Variants in BRCA1 observed in about 807,000 individuals in gnomAD.
BRCA1 encodes BRCA1 DNA repair associated, also known as breast cancer type 1 susceptibility protein.
In BRCA1, 140 loss-of-function variants were observed where a neutral mutation model predicts 173.7. The observed-to-expected ratio is 0.81, with a 90% CI of 0.70 to 0.93. The LOEUF is 0.93. Ranked by LOEUF, BRCA1 falls within the 40% of genes least tolerant of loss-of-function variation. The pLI is 0.00. For synonymous variants in BRCA1, 662 were observed against 756.0 expected (o/e 0.88, Z 2.04); for missense variants, 1,983 against 2,172.5 (o/e 0.91, Z 1.73).
At chr17:43,127,866 GAC>G (rs112881775), upstream of BRCA1, among the ~76,000 whole-genome samples, 15,953 of 151,448 alleles carry the variant, frequency 0.11, 2,600 homozygotes, top group African/African-American at 0.35. Flanking sequence ...CTACTAAAAA[GAC>G]AAAATATTAG....
rs1022076404 is a variant in BRCA1, at chr17:43,051,106, C to T, written c.5289G>A (p.Gly1763=). The T allele has an allele frequency of 3.1e-6, 5 of 1,613,914 alleles. No individual in the cohort carries two copies. Among genetic ancestry groups the T allele is most frequent in the African/African-American group, 1.3e-5 (1 of 74,986 alleles). Residue 1763 remains glycine, a synonymous_variant, in exon 20 of 23, where the codon GGG becomes GGA. Transcript: ENST00000357654. ...RESQDRKIFR[G]LEICCYGPFT... is the part of the protein sequence containing the mutation. ...AGGGCCCATAGCAACAGATTTCTAGCCCCCTGAAGATCTGGAAGAAGAGAG... is the reference window on the plus strand; with the variant it reads ...AGGGCCCATAGCAACAGATTTCTAGTCCCCTGAAGATCTGGAAGAAGAGAG...
intron 3 of BRCA1, among the ~76,000 whole-genome samples, chr17:43,107,127 C>A (rs1235386545): frequency 6.1e-5 from 9 of 147,832 alleles, no homozygotes; most frequent in Non-Finnish European, 1.0e-4. Flanking sequence ...TGCAGTGGCA[C>A]GATCTCGGCT....
chr17:43,122,456 G>A (rs2055621395), intron 2 of BRCA1, among the ~76,000 whole-genome samples: 1 of 152,172 alleles, frequency 6.6e-6, no homozygotes, highest in Admixed American at 6.5e-5. Flanking sequence ...TTTACATTCT[G>A]TGGGACTAGA....
At chr17:43,141,585 C>T (rs1454767595) in intron 1 of BRCA1, among the ~76,000 whole-genome samples, 8 of 151,928 alleles carry the variant, frequency 5.3e-5, no homozygotes, top group African/African-American at 7.2e-5. Flanking sequence ...GAGGCTGAGG[C>T]GGGCGGATCA....
Position 43,045,950 on chromosome 17 carries a change from T to A in BRCA1, c.5468-148A>T, listed in dbSNP as rs1597797530. 5 of 1,022,274 alleles carry A rather than the reference T, an allele frequency of 4.9e-6. No individual in the cohort carries two copies. In the South Asian group the frequency reaches 8.3e-5, roughly 17 times the overall value. The allele number at this position is 1,022,274 out of a possible 1,614,324, so 63.3% of individuals were successfully genotyped here. A position where few individuals can be genotyped will look rare whatever the true frequency, so the allele number is the denominator to read the frequency against. On this transcript the variant is annotated intron_variant, in intron 22 of 22. Coordinates refer to ENST00000357654, the MANE Select transcript of BRCA1 (RefSeq NM_007294.4). ...TTTTTTTTTTTTTTTTGAGACGGAG[T>A]CTTGCTCTGTCGCCGAGGCTAGAGT...
At chr17:43,107,758 A>G (rs2054860100) in intron 3 of BRCA1, among the ~76,000 whole-genome samples, 1 of 152,228 alleles carries the variant, frequency 6.6e-6, no homozygotes, top group Non-Finnish European at 1.5e-5. Context: ...GAATGAAATT[A>G]TACTCCTATC....
At chr17:43,052,894 T>G (rs1410225478) in intron 19 of BRCA1, among the ~76,000 whole-genome samples, 3 of 150,734 alleles carry the variant, frequency 2.0e-5, no homozygotes, top group African/African-American at 4.9e-5. Flanking sequence ...TTTTTTTTTT[T>G]GAGACGCAGT....
chr17:43,119,378 C>T (rs2055445022), intron 2 of BRCA1: 1 of 226,122 alleles, frequency 4.4e-6, no homozygotes, highest in African/African-American at 2.2e-5. Flanking sequence ...TTTGACATAG[C>T]ACAGGGCAGT....
intron 11 of BRCA1, among the ~76,000 whole-genome samples, chr17:43,090,067 GAGAA>G (rs2053388222): frequency 7.0e-6 from 1 of 142,752 alleles, no homozygotes; most frequent in South Asian, 2.4e-4. Context: ...AAAAGAAGAA[GAGAA>G]AGAAGTATCC....
At chr17:43,117,352 G>C (rs1488045136) in intron 2 of BRCA1, among the ~76,000 whole-genome samples, 1 of 152,166 alleles carries the variant, frequency 6.6e-6, no homozygotes, top group African/African-American at 2.4e-5. Context: ...TAAGGTAGAA[G>C]GATCACTTGA....
intron 10 of BRCA1, 30 bp downstream of exon 10, chr17:43,091,403 CTG>C (rs1306379321): frequency 6.2e-7 from 1 of 1,612,640 alleles, no homozygotes; most frequent in South Asian, 1.1e-5. Flanking sequence ...TATAAATAGA[CTG>C]GGGCAAACAC....
intron 3 of BRCA1, among the ~76,000 whole-genome samples, chr17:43,107,603 T>C (rs1028497395): frequency 7.2e-5 from 11 of 151,752 alleles, no homozygotes; most frequent in African/African-American, 2.7e-4. Context: ...TGGCCTCAAA[T>C]TGATCCATCT....
In BRCA1 at chr17:43,105,311, C is replaced by T. The variant is rs532007292; in HGVS notation, c.213-355G>A. ...CTAGCATGCAGTGCCACAATCATAG[C>T]TCACTGCAGCCTCAGACTTCTGTAC... On this transcript the variant is annotated intron_variant, in intron 4 of 22. Coordinates refer to ENST00000357654, the MANE Select transcript of BRCA1 (RefSeq NM_007294.4). Among the ~76,000 whole-genome samples, 15 of 152,270 alleles carry T rather than the reference C, an allele frequency of 9.9e-5. No individual in the cohort carries two copies. In the East Asian group the frequency reaches 2.9e-3, roughly 29 times the overall value.
At position 43,099,830 on chromosome 17, in the gene BRCA1, A is replaced by C. The variant is rs2154529054; in HGVS notation, c.492T>G (p.Thr164=). 6.2e-7 allele frequency: 1 copy of C among 1,613,916 alleles called. No individual in the cohort carries two copies. Among genetic ancestry groups the C allele is most frequent in the Non-Finnish European group, 8.5e-7 (1 of 1,179,770 alleles). ...GTTGTATCCGCTGCTTTGTCCTCAG[A>C]GTTCTCACAGTTCCAAGGTTAGAGA... is the stretch of plus-strand genomic sequence containing the variant. ...VQLSNLGTVR[T]LRTKQRIQPQ... The change falls in exon 7 of 23, where the codon ACT becomes ACG. Residue 164 remains threonine (T), a synonymous_variant. Coordinates refer to ENST00000357654, the MANE Select transcript of BRCA1 (RefSeq NM_007294.4).
intron 12 of BRCA1, among the ~76,000 whole-genome samples, chr17:43,080,337 A>G (rs985746686): frequency 6.6e-6 from 1 of 152,232 alleles, no homozygotes. Flanking sequence ...GTGGGATTAC[A>G]GGCATGTGCC....
intron 20 of BRCA1, chr17:43,049,948 A>C (rs1292981456): frequency 2.5e-6 from 1 of 397,102 alleles, no homozygotes; most frequent in African/African-American, 2.1e-5. Flanking sequence ...CTTTCTGGCA[A>C]CCCTGGTTTC....
intron 19 of BRCA1, among the ~76,000 whole-genome samples, chr17:43,055,855 G>A (rs760334657): frequency 9.9e-5 from 15 of 152,198 alleles, no homozygotes; most frequent in Non-Finnish European, 1.9e-4. Context: ...ATTGAACAAG[G>A]TTTGAACTTG....
chr17:43,091,025 T>C lies in BRCA1; in HGVS notation c.4104A>G (p.Ala1368=), dbSNP rs2154258767. 6.2e-7 allele frequency: 1 copy of C among 1,612,142 alleles called. No individual in the cohort carries two copies. Among genetic ancestry groups the C allele is most frequent in the South Asian group, 1.1e-5 (1 of 90,630 alleles). Residue 1368 remains alanine, a synonymous_variant, in exon 11 of 23, where the codon GCA becomes GCG. Transcript: ENST00000357654. ...EQSMDSNLGE[A]ASGCESETSV... ...TTGTTTCACTCTCACACCCAGATGC[T>C]GCTTCACCTTAAATAACAAAAACAG...
chr17:43,156,266 A>T (rs1438593882), intron 1 of BRCA1, among the ~76,000 whole-genome samples: 1 of 152,120 alleles, frequency 6.6e-6, no homozygotes, highest in Non-Finnish European at 1.5e-5. Flanking sequence ...GAATCATAAG[A>T]AAAGCTCGGG....
Sources: allele counts gnomAD v4.1 joint callset (sites outside exome capture counted in the v4.1 genomes callset), GRCh38; gene constraint gnomAD v4.1.1; transcripts MANE v1.5; gene names NCBI Gene and HGNC (gene_info 2026-07-23, HGNC 2026-07-21).